HNRNPR: variants seen among roughly 807,000 people sequenced by gnomAD.
The protein encoded by HNRNPR is heterogeneous nuclear ribonucleoprotein R.
In HNRNPR, 4 loss-of-function variants were observed where a neutral mutation model predicts 70.3. The ratio of observed to expected loss-of-function variants is 0.06; its 90% confidence interval spans 0.03 to 0.13. The LOEUF (loss-of-function observed/expected upper bound fraction) is 0.13, where lower values mean the gene tolerates loss of function less well. Among genes scored for constraint, HNRNPR ranks in the 10% least tolerant of loss-of-function variants. HNRNPR has a pLI of 1.00. For missense variants in HNRNPR, 423 were observed against 788.5 expected, an observed-to-expected ratio of 0.54 and a Z score of 5.55; for synonymous variants, 241 against 267.6, an observed-to-expected ratio of 0.90 and a Z score of 0.97.
chr1:23,313,030 T>C (rs1054911181), intron 9 of HNRNPR, among the ~76,000 whole-genome samples: 2 of 152,218 alleles, frequency 1.3e-5, no homozygotes, highest in East Asian at 1.9e-4. Context: ...TCAACTATTA[T>C]ACACAAGTGA....
intron 5 of HNRNPR, among the ~76,000 whole-genome samples, chr1:23,330,312 G>A (rs571983897): frequency 6.6e-6 from 1 of 152,158 alleles, no homozygotes; most frequent in Admixed American, 6.5e-5. Context: ...CGAGGCGGGT[G>A]GATCATGAGG....
At chr1:23,330,307 C>T (rs528709877) in intron 5 of HNRNPR, among the ~76,000 whole-genome samples, 18 of 152,118 alleles carry the variant, frequency 1.2e-4, no homozygotes, top group Admixed American at 1.0e-3. Flanking sequence ...GAGGCCGAGG[C>T]GGGTGGATCA....
chr1:23,326,767 A>G (rs1458497001), intron 5 of HNRNPR, among the ~76,000 whole-genome samples: 1 of 152,196 alleles, frequency 6.6e-6, no homozygotes, highest in African/African-American at 2.4e-5. Flanking sequence ...CCTGGGTGAC[A>G]AGAGTGAAAC....
chr1:23,320,726 T>A (rs559556579), intron 7 of HNRNPR, among the ~76,000 whole-genome samples: 1 of 152,264 alleles, frequency 6.6e-6, no homozygotes, highest in South Asian at 2.1e-4. Flanking sequence ...AAAAATGAAA[T>A]AGAATAAGAA....
At chr1:23,333,763 T>A (rs770729103) in intron 4 of HNRNPR, 132 bp from the exon 5 acceptor site, 17 of 565,360 alleles carry the variant, frequency 3.0e-5, no homozygotes, top group Non-Finnish European at 5.1e-5. Flanking sequence ...AAAAAAAAAG[T>A]CAAAATTCGC....
rs1210585584 is a variant in HNRNPR at position 23,307,007 on chromosome 1, T to TA, written c.*3446dup. The TA allele has an allele frequency of 1.3e-5, 2 of 152,186 alleles. No individual in the cohort carries two copies. The highest frequency in any genetic ancestry group is 2.9e-5 in the Non-Finnish European group (2 of 68,008). The allele number at this position is 152,186 out of a possible 1,614,324, so 9.4% of individuals were successfully genotyped here. A position where few individuals can be genotyped will look rare whatever the true frequency, so the allele number is the denominator to read the frequency against. The stretch of plus-strand genomic sequence containing the variant: ...TAAGGCTTTTTCTTAGTTGCTCACT[T>TA]AAGAGATTCCACATAATAATTGTCC... On this transcript the variant is annotated 3_prime_UTR_variant, in exon 11 of 11. Coordinates refer to ENST00000302271, the MANE Select transcript of HNRNPR (RefSeq NM_005826.5).
In HNRNPR at chr1:23,327,513, C is replaced by T. The variant is rs1036095025; in HGVS notation, c.499-3781G>A. 4.6e-5 allele frequency among the ~76,000 whole-genome samples: 7 copies of T among 152,018 alleles called. No homozygotes were observed. In the South Asian group the frequency reaches 1.5e-3, roughly 32 times the overall value. On this transcript the variant is annotated intron_variant, in intron 5 of 10. Coordinates refer to ENST00000302271, the MANE Select transcript of HNRNPR (RefSeq NM_005826.5). ...GACCAGCCTGGCCAATATGGTGAAA[C>T]CCTGTCTGTAACTAAAAATACAAAA...
At chr1:23,334,471 C>T (rs900944846) in intron 4 of HNRNPR, among the ~76,000 whole-genome samples, 5 of 151,118 alleles carry the variant, frequency 3.3e-5, no homozygotes, top group South Asian at 2.1e-4. Flanking sequence ...CTCCTGATCT[C>T]GTGATCCACC....
chr1:23,321,474 TAAG>T, intron 7 of HNRNPR, 51 bp downstream of exon 7: 1 of 1,494,868 alleles, frequency 6.7e-7, no homozygotes, highest in East Asian at 2.3e-5. Context: ...TGAGCACTTG[TAAG>T]TAGTACAACA....
chr1:23,325,139 C>CAA lies in HNRNPR; in HGVS notation c.499-1409_499-1408dup, dbSNP rs570840598. 8.6e-5 allele frequency among the ~76,000 whole-genome samples: 12 copies of CAA among 139,112 alleles called. No homozygotes were observed. In the South Asian group the frequency reaches 2.7e-3, roughly 32 times the overall value. The allele number at this position is 139,112 out of a possible 152,430, so 91.3% of individuals were successfully genotyped here. ...TGGGCAACAGAGGGAGACTCCATCT[C>CAA]AAAAAAAAAACAAAAAATTTTATAT... On this transcript the variant is annotated intron_variant, in intron 5 of 10. Transcript: ENST00000302271.
At chr1:23,332,637 T>C (rs1646285959) in intron 5 of HNRNPR, among the ~76,000 whole-genome samples, 1 of 148,506 alleles carries the variant, frequency 6.7e-6, no homozygotes, top group East Asian at 2.0e-4. Flanking sequence ...GAGGTGGAGG[T>C]TGCAGTGAGC....
chr1:23,321,325 G>A (rs1445309000), intron 7 of HNRNPR, among the ~76,000 whole-genome samples: 2 of 152,140 alleles, frequency 1.3e-5, no homozygotes, highest in African/African-American at 4.8e-5. Context: ...TTAAGACAAA[G>A]AAGTGAAGGG....
rs58123581 is a variant in HNRNPR at position 23,321,163 on chromosome 1, C to CAAAAAA, written c.811+359_811+364dup. On this transcript the variant is annotated intron_variant, in intron 7 of 10. Coordinates refer to ENST00000302271, the MANE Select transcript of HNRNPR (RefSeq NM_005826.5). ...AGGCAACAAGAGCGAAACTCCGTCT[C>CAAAAAA]AAAAAAAAAAAAAATCTGATCTAGA... 9.1e-3 allele frequency among the ~76,000 whole-genome samples: 890 copies of CAAAAAA among 98,132 alleles called. 62 individuals carry two copies. Among genetic ancestry groups the CAAAAAA allele is most frequent in the African/African-American group, 0.039 (851 of 22,094 alleles). The allele number at this position is 98,132 out of a possible 152,430, so 64.4% of individuals were successfully genotyped here.
At chr1:23,338,022 A>G in intron 3 of HNRNPR, 161 bp from the exon 4 acceptor site, 1 of 585,858 alleles carries the variant, frequency 1.7e-6, no homozygotes, top group Non-Finnish European at 3.0e-6. Flanking sequence ...CAGAGATTGG[A>G]GCAGACAGCA....
intron 4 of HNRNPR, among the ~76,000 whole-genome samples, chr1:23,335,446 A>AT (rs1646432390): frequency 6.6e-6 from 1 of 152,256 alleles, no homozygotes; most frequent in Admixed American, 6.5e-5. Context: ...CAGGAGGTAA[A>AT]TAGCGGGCAA....
At chr1:23,317,433 G>A (rs1645589817) in intron 8 of HNRNPR, among the ~76,000 whole-genome samples, 1 of 151,890 alleles carries the variant, frequency 6.6e-6, no homozygotes, top group Non-Finnish European at 1.5e-5. Flanking sequence ...ACTCCAGCCT[G>A]GGACAAAGCA....
At chr1:23,323,378 GTTCT>G (rs1645833725) in intron 6 of HNRNPR, among the ~76,000 whole-genome samples, 174 bp downstream of exon 6, 2 of 152,068 alleles carry the variant, frequency 1.3e-5, no homozygotes, top group Admixed American at 6.5e-5. Context: ...GGTATTTTCA[GTTCT>G]TTTTTACTTT....
At chr1:23,323,470 AAATAATGTT>A in intron 6 of HNRNPR, 77 bp downstream of exon 6, 1 of 1,271,444 alleles carries the variant, frequency 7.9e-7, no homozygotes, top group Non-Finnish European at 1.1e-6. Flanking sequence ...GAAGAAATCA[AAATAATGTT>A]AACTACAAAC....
intron 1 of HNRNPR, among the ~76,000 whole-genome samples, chr1:23,342,884 C>A (rs1343351506): frequency 6.6e-6 from 1 of 152,188 alleles, no homozygotes; most frequent in East Asian, 1.9e-4. Flanking sequence ...TTATGCCTAC[C>A]ATTTCATTGC....
Sources: gnomAD v4.1 joint callset for allele counts (sites outside exome capture counted in the v4.1 genomes callset) on GRCh38, gnomAD v4.1.1 for gene constraint, MANE v1.5 for transcripts, NCBI Gene and HGNC (gene_info 2026-07-23, HGNC 2026-07-21) for gene names.